Variants in SOD2 observed in about 807,000 individuals in gnomAD.
SOD2 encodes the protein superoxide dismutase [Mn], mitochondrial.
In SOD2, 11 loss-of-function variants were observed where a neutral mutation model predicts 27.0. The ratio of observed to expected loss-of-function variants is 0.41; its 90% CI spans 0.26 to 0.67. The LOEUF is 0.67. Among genes scored for constraint, SOD2 ranks in the 30% least tolerant of loss-of-function variants. The pLI, the probability that SOD2 is intolerant of heterozygous loss-of-function variation, is 0.34. For synonymous variants in SOD2, 105 were observed against 103.0 expected (o/e 1.02, Z -0.12); for missense variants, 250 against 274.5 (o/e 0.91, Z 0.63).
At chr6:159,694,384 A>G (rs1029295484), upstream of SOD2, among the ~76,000 whole-genome samples, 10 of 151,840 alleles carry the variant, frequency 6.6e-5, no homozygotes, top group African/African-American at 2.2e-4. Context: ...GCTTCTTGCA[A>G]CCCCCGTACA....
At chr6:159,761,702 TA>T (rs951787420) in exon 1 of SOD2, 4 of 375,834 alleles carry the variant, frequency 1.1e-5, no homozygotes, top group Admixed American at 7.2e-5. Context: ...TAAGATTTTT[TA>T]AAAAAAAGCC....
rs1282942687 is a variant in SOD2 at position 159,677,257 on chromosome 6, C to A, written c.*5236G>T. On this transcript the variant is annotated 3_prime_UTR_variant, in exon 5 of 5. Transcript: ENST00000538183. ...AAAGATGACTAGCATGTCATAGGAA[C>A]TTGAAAGCATTCGTGCTCCTTCCTT... is the stretch of plus-strand genomic sequence containing the variant. 1.3e-5 allele frequency: 2 copies of A among 152,152 alleles called. No homozygotes were observed. The highest frequency in any genetic ancestry group is 2.4e-5 in the African/African-American group (1 of 41,438). The allele number at this position is 152,152 out of a possible 1,614,324, so 9.4% of individuals were successfully genotyped here.
At chr6:159,726,834 T>C in intron 1 of SOD2, 1 of 1,289,226 alleles carries the variant, frequency 7.8e-7, no homozygotes, top group Non-Finnish European at 1.0e-6. Flanking sequence ...CATCGGTTTC[T>C]AAGTTCTCAA....
upstream of SOD2, chr6:159,748,615 G>A (rs1779706438): frequency 6.2e-6 from 8 of 1,298,616 alleles, no homozygotes; most frequent in South Asian, 2.8e-5. The surrounding 1 kb of genome is among the most constrained non-coding windows in gnomAD (Gnocchi z 5.6). Context: ...GGACTATTCC[G>A]AAGAAGTGGC....
chr6:159,724,587 C>T (rs925436627), intron 1 of SOD2, among the ~76,000 whole-genome samples: 2 of 152,102 alleles, frequency 1.3e-5, no homozygotes, highest in South Asian at 2.1e-4. Context: ...GGGCGAGGGA[C>T]GGTGGCTCAC....
intron 1 of SOD2, among the ~76,000 whole-genome samples, chr6:159,752,074 A>T (rs1299635764): frequency 6.6e-6 from 1 of 152,162 alleles, no homozygotes; most frequent in African/African-American, 2.4e-5. Flanking sequence ...AAAAAAAAAA[A>T]AAAATGCTGT....
chr6:159,718,398 G>T (rs966324115), intron 1 of SOD2, among the ~76,000 whole-genome samples: 6 of 152,014 alleles, frequency 3.9e-5, no homozygotes, highest in African/African-American at 1.4e-4. Flanking sequence ...ACATGGGAAC[G>T]CAGATATCTC....
At chr6:159,731,111 A>C (rs1308674592), upstream of SOD2, 1 of 152,318 alleles carries the variant, frequency 6.6e-6, no homozygotes, top group African/African-American at 2.4e-5. Context: ...CGTGCACTCC[A>C]GCCTGGGCAA....
intron 1 of SOD2, chr6:159,743,606 C>G: frequency 6.7e-7 from 1 of 1,486,428 alleles, no homozygotes; most frequent in Middle Eastern, 2.5e-4. Flanking sequence ...TTGTTCTTGA[C>G]AGAGGTATTT....
intron 1 of SOD2, among the ~76,000 whole-genome samples, chr6:159,707,186 C>A (rs1283913842): frequency 1.3e-5 from 2 of 152,038 alleles, no homozygotes; most frequent in East Asian, 1.9e-4. Context: ...AAAATTGATA[C>A]CCTAACATCA....
chr6:159,710,270 C>CATATAT (rs141490345), intron 1 of SOD2, among the ~76,000 whole-genome samples: 27,145 of 143,254 alleles, frequency 0.19, 2,788 homozygotes, highest in Admixed American at 0.24. Flanking sequence ...AGTATAAATA[C>CATATAT]ATATATATAT....
chr6:159,755,414 C>T (rs1779964701), intron 1 of SOD2: 1 of 1,614,074 alleles, frequency 6.2e-7, no homozygotes, highest in Admixed American at 1.7e-5. Flanking sequence ...CGTAAATCAA[C>T]TCAGTGCGGG....
At position 159,676,168 on chromosome 6, in the gene SOD2, C is replaced by T. The variant is rs1471932389; in HGVS notation, c.*6325G>A. 1.3e-5 allele frequency: 2 copies of T among 152,182 alleles called. No individual in the cohort carries two copies. Among genetic ancestry groups the T allele is most frequent in the Admixed American group, 6.5e-5 (1 of 15,276 alleles). 9.4% of individuals were successfully genotyped at this position (152,182 alleles called of 1,614,324 possible). On this transcript the variant is annotated 3_prime_UTR_variant, in exon 5 of 5. Coordinates refer to ENST00000538183, the MANE Select transcript of SOD2 (RefSeq NM_000636.4). ...GTGGTGGGACTGTAAACTAGTTCAA[C>T]CATTGTGGAAGACAGTGTGGCGATT...
At chr6:159,715,785 A>C (rs2114831376) in intron 1 of SOD2, among the ~76,000 whole-genome samples, 1 of 152,238 alleles carries the variant, frequency 6.6e-6, no homozygotes, top group Middle Eastern at 3.4e-3. Flanking sequence ...CTGTAGTCCC[A>C]GCTACCTGGG....
chr6:159,740,621 A>C (rs1285910370), intron 1 of SOD2, among the ~76,000 whole-genome samples: 3 of 152,124 alleles, frequency 2.0e-5, no homozygotes, highest in Non-Finnish European at 4.4e-5. Flanking sequence ...CGTAAAAATA[A>C]AGCATGGCCT....
intron 1 of SOD2, among the ~76,000 whole-genome samples, chr6:159,740,813 T>C (rs938419829): frequency 1.3e-5 from 2 of 151,808 alleles, no homozygotes. Context: ...GCGGTTCTCC[T>C]GCCTCAGCCT....
chr6:159,711,959 A>G (rs867526281), intron 1 of SOD2, among the ~76,000 whole-genome samples: 2 of 108,040 alleles, frequency 1.9e-5, no homozygotes, highest in African/African-American at 7.1e-5. Flanking sequence ...TCTGATCACC[A>G]TAACCACCTC....
chr6:159,712,381 A>G (rs1312546701), intron 1 of SOD2, among the ~76,000 whole-genome samples: 5 of 110,258 alleles, frequency 4.5e-5, no homozygotes, highest in Admixed American at 9.4e-5. Flanking sequence ...CTCCATAACC[A>G]CCTCCATAAC....
exon 1 of SOD2, chr6:159,761,512 C>G: frequency 2.2e-6 from 1 of 456,114 alleles, no homozygotes; most frequent in South Asian, 1.5e-5. Flanking sequence ...ATGACTGGCG[C>G]CAGGAGAAAC....
Sources: gnomAD v4.1 joint callset for allele counts (sites outside exome capture counted in the v4.1 genomes callset) on GRCh38, gnomAD v4.1.1 for gene constraint, Gnocchi (gnomAD v3.1) non-coding constraint, MANE v1.5 for transcripts, NCBI Gene and HGNC (gene_info 2026-07-23, HGNC 2026-07-21) for gene names.